The following LRIG1 variants were observed in gnomAD, a reference collection of about 807,000 sequenced individuals.
LRIG1 encodes leucine rich repeats and immunoglobulin like domains 1.
A neutral mutation model predicts 99.2 loss-of-function variants in LRIG1; 48 were observed. The ratio of observed to expected loss-of-function variants is 0.48; its 90% CI spans 0.38 to 0.62. The LOEUF (loss-of-function observed/expected upper bound fraction) is 0.62. LRIG1 is among the 20% of genes least tolerant of loss of function. The pLI is 0.00. For missense variants in LRIG1, 1,646 were observed against 1,434.4 expected (o/e 1.15, Z -2.38); for synonymous variants, 772 against 596.1 (o/e 1.29, Z -4.30).
chr3:66,447,069 T>C (rs75134644), intron 3 of LRIG1, among the ~76,000 whole-genome samples: 8,961 of 152,260 alleles, frequency 0.059, 338 homozygotes, highest in South Asian at 0.14. Context: ...GTTCATTTTT[T>C]TAAATTTTCT....
At chr3:66,421,919 C>T (rs1044077350) in intron 3 of LRIG1, among the ~76,000 whole-genome samples, 1 of 152,250 alleles carries the variant, frequency 6.6e-6, no homozygotes, top group African/African-American at 2.4e-5. Context: ...CAACTGTTGA[C>T]TTCTGCATAC....
At position 66,398,990 on chromosome 3, in the gene LRIG1, C is replaced by T. The variant is rs942688616; in HGVS notation, c.1212G>A (p.Gly404=). 4 of 1,614,062 alleles carry T rather than the reference C, an allele frequency of 2.5e-6. No individual in the cohort carries two copies. In the African/African-American group the frequency reaches 5.3e-5, roughly 22 times the overall value. Residue 404 remains glycine (G), a synonymous_variant, in exon 10 of 19, where the codon GGG becomes GGA. Coordinates refer to ENST00000273261, the MANE Select transcript of LRIG1 (RefSeq NM_015541.3). ...CTCACAGGTGCTCCAGGCCTTCCAG[C>T]CCCGAGAATGCTCTCTTAGCCACAG... is the stretch of plus-strand genomic sequence containing the variant. ...IKSVAKRAFS[G]LEGLEHLNLG...
intron 3 of LRIG1, among the ~76,000 whole-genome samples, chr3:66,434,049 C>T (rs910804527): frequency 6.6e-6 from 1 of 152,152 alleles, no homozygotes; most frequent in Admixed American, 6.5e-5. Flanking sequence ...AGACCTGACG[C>T]TAAAAGCACA....
At chr3:66,499,580 G>C (rs1471620668) in intron 1 of LRIG1, among the ~76,000 whole-genome samples, 1 of 152,142 alleles carries the variant, frequency 6.6e-6, no homozygotes, top group Non-Finnish European at 1.5e-5. Context: ...GGGGTCCTCG[G>C]GGGAAGACTG....
At chr3:66,413,145 G>A (rs1299772966) in intron 5 of LRIG1, 131 bp from the exon 6 acceptor site, 1 of 1,008,218 alleles carries the variant, frequency 9.9e-7, no homozygotes, top group African/African-American at 1.6e-5. Context: ...GGGAAGCCAG[G>A]ATGTGTAGGG....
chr3:66,493,949 G>T (rs1701168496), intron 1 of LRIG1, among the ~76,000 whole-genome samples: 1 of 136,586 alleles, frequency 7.3e-6, no homozygotes, highest in African/African-American at 2.7e-5. Flanking sequence ...AGAAAACAGA[G>T]AAAGAAAGAA....
chr3:66,497,001 T>C (rs1358595760), intron 1 of LRIG1, among the ~76,000 whole-genome samples: 3 of 152,240 alleles, frequency 2.0e-5, no homozygotes, highest in African/African-American at 7.2e-5. Context: ...CAAGGTTAGA[T>C]TTAAGCTAAC....
At chr3:66,478,015 G>T (rs1265154500) in intron 1 of LRIG1, among the ~76,000 whole-genome samples, 1 of 152,154 alleles carries the variant, frequency 6.6e-6, no homozygotes, top group African/African-American at 2.4e-5. Context: ...TTGTGGGCCT[G>T]CAATGGCTTC....
At chr3:66,381,756 G>T in intron 16 of LRIG1, 125 bp from the exon 17 acceptor site, 1 of 1,065,338 alleles carries the variant, frequency 9.4e-7, no homozygotes. Context: ...GAGCGGTGGG[G>T]CTGCTGGTCT....
chr3:66,388,780 T>G (rs920202922), intron 12 of LRIG1, among the ~76,000 whole-genome samples: 3 of 152,174 alleles, frequency 2.0e-5, no homozygotes, highest in African/African-American at 7.2e-5. Context: ...AAGGGGAAAT[T>G]AAAACATTCC....
chr3:66,474,204 C>T (rs915369130), intron 1 of LRIG1, among the ~76,000 whole-genome samples: 4 of 152,184 alleles, frequency 2.6e-5, no homozygotes, highest in Non-Finnish European at 5.9e-5. Context: ...CATCCTTGAA[C>T]ATACTAAAAT....
chr3:66,412,354 C>T (rs1044132375), intron 6 of LRIG1, among the ~76,000 whole-genome samples: 14 of 152,180 alleles, frequency 9.2e-5, no homozygotes, highest in African/African-American at 3.4e-4. Flanking sequence ...CGCAGCCCCA[C>T]GTTCACCGAA....
chr3:66,380,601 G>A lies in LRIG1; in HGVS notation c.3031C>T (p.Pro1011Ser), dbSNP rs555406294. 48 of 1,614,050 alleles carry A rather than the reference G, an allele frequency of 3.0e-5. No homozygotes were observed. Among genetic ancestry groups the A allele is most frequent in the Middle Eastern group, 3.3e-4 (2 of 6,062 alleles). Residue 1011 changes from proline to serine, a missense_variant, in exon 18 of 19, where the codon CCA becomes TCA. Transcript: ENST00000273261. ...CCTTTCCCATCTAGAGATGCCATTGGCTTTTTCTTCACAGCCGTCAGCATT... is the reference window on the plus strand; with the variant it reads ...CCTTTCCCATCTAGAGATGCCATTGACTTTTTCTTCACAGCCGTCAGCATT... The part of the protein sequence containing the change: ...DRMLTAVKKK[P>S]MASLDGKGDS...
At chr3:66,403,083 C>T (rs1449014458) in intron 9 of LRIG1, among the ~76,000 whole-genome samples, 1 of 152,144 alleles carries the variant, frequency 6.6e-6, no homozygotes, top group Admixed American at 6.5e-5. Flanking sequence ...GCTAGGTAGA[C>T]GGAGTAGTAT....
chr3:66,420,457 A>G (rs1241083823), intron 3 of LRIG1, among the ~76,000 whole-genome samples: 1 of 152,204 alleles, frequency 6.6e-6, no homozygotes, highest in African/African-American at 2.4e-5. Context: ...CCACAATTCC[A>G]CTTCTGCATA....
chr3:66,384,747 T>C (rs1320082508), intron 13 of LRIG1, among the ~76,000 whole-genome samples: 4 of 152,130 alleles, frequency 2.6e-5, no homozygotes, highest in South Asian at 2.1e-4. Context: ...ATTTGGATGG[T>C]TGTTCACCCA....
intron 3 of LRIG1, among the ~76,000 whole-genome samples, chr3:66,447,031 T>C (rs1490660530): frequency 6.6e-6 from 1 of 152,128 alleles, no homozygotes; most frequent in African/African-American, 2.4e-5. Flanking sequence ...GTACTACAAG[T>C]GGCTTTTAAA....
chr3:66,380,744 TTTGGCGCAC>T lies in LRIG1; in HGVS notation c.2879_2887del (p.Ser960_Pro962del). ...GTCACTCCCACCCGGCTCCGGGCCA[TTTGGCGCAC>T]TTGGCTGTGCGCTGTCTCTGGACAC... On this transcript the variant is annotated inframe_deletion, in exon 18 of 19. Transcript: ENST00000273261. 6.2e-7 allele frequency: 1 copy of T among 1,614,198 alleles called. No individual in the cohort carries two copies. The highest frequency in any genetic ancestry group is 1.6e-4 in the Middle Eastern group (1 of 6,062).
At chr3:66,459,854 G>C (rs1162372144) in intron 2 of LRIG1, among the ~76,000 whole-genome samples, 1 of 152,162 alleles carries the variant, frequency 6.6e-6, no homozygotes, top group African/African-American at 2.4e-5. Context: ...AACAAAATAT[G>C]AAAAGTTTAA....
Sources: allele counts gnomAD v4.1 joint callset (sites outside exome capture counted in the v4.1 genomes callset), GRCh38; gene constraint gnomAD v4.1.1; transcripts MANE v1.5; gene names NCBI Gene and HGNC (gene_info 2026-07-23, HGNC 2026-07-21).